The following ADAMTS3 variants were observed in gnomAD, a reference collection of about 807,000 sequenced individuals.
The protein encoded by ADAMTS3 is A disintegrin and metalloproteinase with thrombospondin motifs 3.
In ADAMTS3, 73 loss-of-function variants were observed where a neutral mutation model predicts 129.0. That is an observed-to-expected ratio of 0.57 (90% CI 0.47 to 0.69). The LOEUF (loss-of-function observed/expected upper bound fraction) is 0.69. Ranked by LOEUF, ADAMTS3 falls within the 30% of genes least tolerant of loss-of-function variation. ADAMTS3 has a pLI of 0.00. For missense variants in ADAMTS3, 1,457 were observed against 1,514.5 expected (o/e 0.96, Z 0.63); for synonymous variants, 477 against 510.8 (o/e 0.93, Z 0.89).
At chr4:72,294,611 CACAACGATGAGT>C (rs1195699113) in intron 19 of ADAMTS3, among the ~76,000 whole-genome samples, 1 of 151,908 alleles carries the variant, frequency 6.6e-6, no homozygotes, top group Non-Finnish European at 1.5e-5. Context: ...AAGTACACAG[CACAACGATGAGT>C]AAAAATGAGC....
intron 3 of ADAMTS3, among the ~76,000 whole-genome samples, chr4:72,542,460 G>A (rs56944277): frequency 0.012 from 1,767 of 152,190 alleles, 37 homozygotes; most frequent in African/African-American, 0.041. Context: ...CACTGCGCCC[G>A]GCCCCTGTTA....
chr4:72,544,140 T>C (rs1721407144), intron 3 of ADAMTS3, among the ~76,000 whole-genome samples: 1 of 152,134 alleles, frequency 6.6e-6, no homozygotes, highest in Non-Finnish European at 1.5e-5. Context: ...AATAATCTCT[T>C]GATACATTTA....
At position 72,319,326 on chromosome 4, in the gene ADAMTS3, A is replaced by G. The variant is rs113715018; in HGVS notation, c.1352+6T>C. On this transcript the variant is annotated splice_donor_region_variant and intron_variant, in intron 9 of 21. Transcript: ENST00000286657. ...ATACTTTCATGACATGCAGCAGGGG[A>G]CATACTGGATATATCTTTTCAGTTC... 99 of 1,613,696 alleles carry G rather than the reference A, an allele frequency of 6.1e-5. No homozygotes were observed. The highest frequency in any genetic ancestry group is 7.8e-5 in the Non-Finnish European group (92 of 1,179,876).
At chr4:72,521,242 C>T (rs1300404496) in intron 3 of ADAMTS3, among the ~76,000 whole-genome samples, 1 of 152,142 alleles carries the variant, frequency 6.6e-6, no homozygotes, top group Non-Finnish European at 1.5e-5. Flanking sequence ...AAGTGACCCA[C>T]CTGCCTCAGC....
chr4:72,336,864 C>G (rs111274619), intron 5 of ADAMTS3, among the ~76,000 whole-genome samples: 6 of 151,762 alleles, frequency 4.0e-5, no homozygotes, highest in African/African-American at 1.5e-4. Context: ...GCCCCACCCA[C>G]CAGTGTTAAC....
intron 3 of ADAMTS3, among the ~76,000 whole-genome samples, chr4:72,529,736 T>A (rs1338240275): frequency 1.7e-5 from 1 of 59,002 alleles, no homozygotes; most frequent in Non-Finnish European, 3.6e-5. Context: ...TTAATATATA[T>A]TTATTTAATA....
At chr4:72,478,285 A>T (rs1375429716) in intron 3 of ADAMTS3, among the ~76,000 whole-genome samples, 4 of 151,902 alleles carry the variant, frequency 2.6e-5, no homozygotes, top group Non-Finnish European at 5.9e-5. Flanking sequence ...TTGATGCAAA[A>T]ATCCTCAATA....
intron 3 of ADAMTS3, among the ~76,000 whole-genome samples, chr4:72,439,433 T>C (rs1026407348): frequency 6.6e-6 from 1 of 151,698 alleles, no homozygotes; most frequent in African/African-American, 2.4e-5. Flanking sequence ...TAAAATTGCA[T>C]GAGTAAGGCC....
At chr4:72,510,701 G>A (rs1329781801) in intron 3 of ADAMTS3, among the ~76,000 whole-genome samples, 2 of 151,346 alleles carry the variant, frequency 1.3e-5, no homozygotes, top group African/African-American at 4.9e-5. Context: ...GCAATCTATA[G>A]GTTCAATGTA....
intron 4 of ADAMTS3, among the ~76,000 whole-genome samples, chr4:72,398,306 C>G (rs1403525090): frequency 6.6e-6 from 1 of 152,032 alleles, no homozygotes; most frequent in Non-Finnish European, 1.5e-5. Flanking sequence ...TCTGTAATCC[C>G]AGCACTTTGG....
intron 4 of ADAMTS3, among the ~76,000 whole-genome samples, chr4:72,376,831 C>A (rs1204902103): frequency 6.6e-6 from 1 of 152,020 alleles, no homozygotes; most frequent in Non-Finnish European, 1.5e-5. Context: ...TATTTCACTG[C>A]CAAGGATGGT....
At chr4:72,344,029 A>G (rs1018129113) in intron 4 of ADAMTS3, among the ~76,000 whole-genome samples, 3 of 152,168 alleles carry the variant, frequency 2.0e-5, no homozygotes. Flanking sequence ...CAATTACTGT[A>G]TAGGAATTTG....
At position 72,283,254 on chromosome 4, in the gene ADAMTS3, G is replaced by A; in HGVS notation, c.3500C>T (p.Ala1167Val). ...HLSSASQMAA[A>V]SFFAASDSIG... The stretch of plus-strand genomic sequence containing the variant: ...TGAATCACTGGCTGCAAAGAAGGAA[G>A]CAGCAGCCATTTGTGAAGCTGAACT... Residue 1167 changes from alanine to valine, a missense_variant, in exon 22 of 22, where the codon GCT becomes GTT. Ala to Val is a moderately conservative substitution (Grantham distance 64). Transcript: ENST00000286657. 1 of 1,614,052 alleles carries A rather than the reference G, an allele frequency of 6.2e-7. No homozygotes were observed. The highest frequency in any genetic ancestry group is 8.5e-7 in the Non-Finnish European group (1 of 1,179,950).
intron 3 of ADAMTS3, among the ~76,000 whole-genome samples, chr4:72,416,455 A>G (rs1267477424): frequency 6.6e-6 from 1 of 152,030 alleles, no homozygotes; most frequent in Admixed American, 6.6e-5. Flanking sequence ...ACAAGAAAAC[A>G]TTACTACAAC....
Position 72,320,585 on chromosome 4 carries a change from T to C in ADAMTS3, c.1102+129A>G, listed in dbSNP as rs1719526966. 5.3e-6 allele frequency: 5 copies of C among 943,478 alleles called. No homozygotes were observed. In the Admixed American group the frequency reaches 1.1e-4, roughly 20 times the overall value. 58.4% of individuals were successfully genotyped at this position (943,478 alleles called of 1,614,324 possible). On this transcript the variant is annotated intron_variant, in intron 7 of 21. Transcript: ENST00000286657. ...GTCACTGTAAGCAAAAGAAAGAAAA[T>C]GTATGCTTGGCCGGTGTGTGGTGGA...
At chr4:72,521,092 G>A (rs554897072) in intron 3 of ADAMTS3, among the ~76,000 whole-genome samples, 5 of 151,284 alleles carry the variant, frequency 3.3e-5, no homozygotes, top group African/African-American at 9.7e-5. Flanking sequence ...CCACCTCCCC[G>A]GTTCAAGTGA....
chr4:72,457,118 A>G (rs1156358843), intron 3 of ADAMTS3, among the ~76,000 whole-genome samples: 2 of 151,750 alleles, frequency 1.3e-5, no homozygotes, highest in African/African-American at 4.8e-5. Context: ...TGCTACATTT[A>G]TAATAGAAAT....
At chr4:72,307,421 G>A (rs758497462) in intron 15 of ADAMTS3, among the ~76,000 whole-genome samples, 9 of 151,980 alleles carry the variant, frequency 5.9e-5, no homozygotes, top group Admixed American at 5.3e-4. Flanking sequence ...TACCCAGTAC[G>A]TTTTTAGCTT....
rs78395552 is a variant in ADAMTS3 at position 72,476,793 on chromosome 4, G to C, written c.505-61822C>G. Reference sequence around the variant, plus strand: ...TTCAAAAACATAGCAATAATATAATGATATAAAAAGAATCATACAACATGG... The same window carrying C: ...TTCAAAAACATAGCAATAATATAATCATATAAAAAGAATCATACAACATGG... On this transcript the variant is annotated intron_variant, in intron 3 of 21. Transcript: ENST00000286657. Among the ~76,000 whole-genome samples, 1,083 of 152,096 alleles carry C rather than the reference G, an allele frequency of 7.1e-3. 21 individuals carry two copies. The highest frequency in any genetic ancestry group is 0.025 in the African/African-American group (1,030 of 41,516).
Sources: gnomAD v4.1 joint callset for allele counts (sites outside exome capture counted in the v4.1 genomes callset) on GRCh38, gnomAD v4.1.1 for gene constraint, MANE v1.5 for transcripts, NCBI Gene and HGNC (gene_info 2026-07-23, HGNC 2026-07-21) for gene names.